Variants in TTLL5 observed in about 807,000 individuals in gnomAD.
TTLL5 encodes the protein tubulin polyglutamylase TTLL5.
Under a neutral mutation model 168.4 loss-of-function variants are expected in TTLL5, and 132 were observed. The ratio of observed to expected loss-of-function variants is 0.78; its 90% CI spans 0.68 to 0.91. The LOEUF is 0.91. Ranked by LOEUF, TTLL5 falls within the 40% of genes least tolerant of loss-of-function variation. The pLI is 0.00. For missense variants in TTLL5, 1,545 were observed against 1,581.5 expected (o/e 0.98, Z 0.39); for synonymous variants, 546 against 558.6 (o/e 0.98, Z 0.32).
intron 28 of TTLL5, among the ~76,000 whole-genome samples, chr14:75,831,519 G>A (rs1401912042): frequency 4.6e-5 from 7 of 152,078 alleles, no homozygotes; most frequent in Non-Finnish European, 8.8e-5. Context: ...CACAGCCACC[G>A]CCACCCCCAC....
chr14:75,854,411 T>C (rs1897030749), intron 28 of TTLL5, among the ~76,000 whole-genome samples: 1 of 152,246 alleles, frequency 6.6e-6, no homozygotes, highest in Non-Finnish European at 1.5e-5. Flanking sequence ...CCACAATTTA[T>C]TTCTGTAATG....
At chr14:75,853,426 G>GTCAC (rs1279820535) in intron 28 of TTLL5, among the ~76,000 whole-genome samples, 1 of 152,162 alleles carries the variant, frequency 6.6e-6, no homozygotes, top group Non-Finnish European at 1.5e-5. Context: ...CGCCTGACAA[G>GTCAC]TCACTGCTCT....
At chr14:75,664,931 G>C (rs375805626) in intron 2 of TTLL5, among the ~76,000 whole-genome samples, 16 of 152,250 alleles carry the variant, frequency 1.1e-4, no homozygotes, top group East Asian at 5.8e-4. Context: ...CTGCCATTTT[G>C]GTAGGTCAGA....
At chr14:75,889,107 G>T (rs1410273288) in intron 30 of TTLL5, among the ~76,000 whole-genome samples, 1 of 152,180 alleles carries the variant, frequency 6.6e-6, no homozygotes, top group Non-Finnish European at 1.5e-5. Flanking sequence ...TATAAAAGGA[G>T]CAAGGGGCCT....
chr14:75,763,253 CTCTG>C (rs59972713), intron 18 of TTLL5, among the ~76,000 whole-genome samples: 96,310 of 145,236 alleles, frequency 0.66, 32,415 homozygotes, highest in Non-Finnish European at 0.74. Context: ...ATAGCTCTCT[CTCTG>C]TGTGTGTGTG....
chr14:75,806,886 A>G, intron 27 of TTLL5, among the ~76,000 whole-genome samples: 1 of 152,174 alleles, frequency 6.6e-6, no homozygotes, highest in East Asian at 1.9e-4. Flanking sequence ...GTATTTTTTG[A>G]ATAAATAAGT....
chr14:75,771,809 T>G lies in TTLL5; in HGVS notation c.2091T>G (p.Gly697=), dbSNP rs1383192542. Residue 697 remains glycine (G), a synonymous_variant, in exon 21 of 32, where the codon GGT becomes GGG. Transcript: ENST00000298832. ...VQIRLMKDSG[G]QTFSASWAAK... ...TTCGCCTGATGAAAGACAGTGGCGG[T>G]CAGACGTTCAGTGCCAGTTGGGCTG... 1 of 1,614,064 alleles carries G rather than the reference T, an allele frequency of 6.2e-7. No homozygotes were observed. Among genetic ancestry groups the G allele is most frequent in the Non-Finnish European group, 8.5e-7 (1 of 1,179,976 alleles).
At chr14:75,859,701 G>A (rs1897310220) in intron 28 of TTLL5, among the ~76,000 whole-genome samples, 1 of 152,150 alleles carries the variant, frequency 6.6e-6, no homozygotes, top group Non-Finnish European at 1.5e-5. Flanking sequence ...ATTCGTTGAG[G>A]TTCAAGAATG....
At chr14:75,694,330 A>G (rs915888757) in intron 6 of TTLL5, among the ~76,000 whole-genome samples, 3 of 152,198 alleles carry the variant, frequency 2.0e-5, no homozygotes, top group African/African-American at 7.2e-5. Context: ...GTGAAGCACC[A>G]GAAGAAGCAT....
At position 75,817,879 on chromosome 14, in the gene TTLL5, C is replaced by T. The variant is rs138711886; in HGVS notation, c.3172-2128C>T. Among the ~76,000 whole-genome samples, 274 of 143,896 alleles carry T rather than the reference C, an allele frequency of 1.9e-3. 3 individuals carry two copies. The East Asian group carries it at 0.049, about 26-fold the overall frequency. 94.4% of individuals were successfully genotyped at this position (143,896 alleles called of 152,430 possible). A position where few individuals can be genotyped will look rare whatever the true frequency, so the allele number is the denominator to read the frequency against. ...TTGAGACGGAGTCTCACTCTGTCGCCCAGGCTGGAGTGCAGTAGTGAGATC... is the reference window on the plus strand; with the variant it reads ...TTGAGACGGAGTCTCACTCTGTCGCTCAGGCTGGAGTGCAGTAGTGAGATC... On this transcript the variant is annotated intron_variant, in intron 27 of 31. Coordinates refer to ENST00000298832, the MANE Select transcript of TTLL5 (RefSeq NM_015072.5).
intron 29 of TTLL5, among the ~76,000 whole-genome samples, chr14:75,876,771 C>G (rs1302890554): frequency 6.6e-6 from 1 of 152,212 alleles, no homozygotes; most frequent in Non-Finnish European, 1.5e-5. Context: ...CAGTGTGAGA[C>G]AAAGGCCTTT....
intron 5 of TTLL5, among the ~76,000 whole-genome samples, chr14:75,685,207 AC>A (rs1414948969): frequency 1.3e-5 from 2 of 151,364 alleles, no homozygotes; most frequent in Non-Finnish European, 2.9e-5. Flanking sequence ...ACATGGCAAA[AC>A]CCCGGCTCTA....
intron 28 of TTLL5, among the ~76,000 whole-genome samples, chr14:75,847,440 A>G (rs979246185): frequency 2.6e-5 from 4 of 152,054 alleles, no homozygotes; most frequent in African/African-American, 4.8e-5. Flanking sequence ...AACCTCAAAA[A>G]CTAGATCATA....
chr14:75,672,504 A>G (rs924780224), intron 3 of TTLL5, among the ~76,000 whole-genome samples: 4 of 152,112 alleles, frequency 2.6e-5, no homozygotes, highest in Non-Finnish European at 5.9e-5. Context: ...CGGCCTCCCA[A>G]AGTGCTGGGA....
chr14:75,801,002 A>C (rs1230274852), intron 27 of TTLL5, among the ~76,000 whole-genome samples: 1 of 151,834 alleles, frequency 6.6e-6, no homozygotes, highest in Non-Finnish European at 1.5e-5. Flanking sequence ...CTTTCAAGAG[A>C]GCATCAGCTG....
chr14:75,872,165 C>G (rs1483138439), intron 29 of TTLL5, among the ~76,000 whole-genome samples: 1 of 152,216 alleles, frequency 6.6e-6, no homozygotes, highest in Non-Finnish European at 1.5e-5. Flanking sequence ...CACACTTTCA[C>G]TTTAACAATA....
chr14:75,882,921 A>G lies in TTLL5; in HGVS notation c.3740+19A>G. On this transcript the variant is annotated intron_variant, in intron 30 of 31. Transcript: ENST00000298832. The stretch of plus-strand genomic sequence containing the variant: ...CTTCCAAGTAAGTTTTTTTCTGTTC[A>G]ATTTCTACTGAGTTTTATCAGTTCT... 1 of 1,610,102 alleles carries G rather than the reference A, an allele frequency of 6.2e-7. No individual in the cohort carries two copies. Among genetic ancestry groups the G allele is most frequent in the African/African-American group, 1.3e-5 (1 of 74,920 alleles).
At chr14:75,692,985 A>G (rs1885569821) in intron 6 of TTLL5, among the ~76,000 whole-genome samples, 1 of 152,154 alleles carries the variant, frequency 6.6e-6, no homozygotes. Flanking sequence ...AAGCAGCAGC[A>G]CCGCAGAGAA....
intron 17 of TTLL5, among the ~76,000 whole-genome samples, chr14:75,748,764 G>A (rs560002843): frequency 3.1e-4 from 47 of 152,290 alleles, no homozygotes; most frequent in South Asian, 1.4e-3. Flanking sequence ...TTCTCCAATT[G>A]CAGTACTGTC....
Sources: gnomAD v4.1 joint callset for allele counts (sites outside exome capture counted in the v4.1 genomes callset) on GRCh38, gnomAD v4.1.1 for gene constraint, MANE v1.5 for transcripts, NCBI Gene and HGNC (gene_info 2026-07-23, HGNC 2026-07-21) for gene names.